SLCO6A1: variants seen among roughly 807,000 people sequenced by gnomAD.
The protein encoded by SLCO6A1 is cancer/testis antigen 48.
In SLCO6A1, 65 loss-of-function variants were observed where a neutral mutation model predicts 72.7. The ratio of observed to expected loss-of-function variants is 0.89; its 90% CI spans 0.73 to 1.10. The LOEUF (loss-of-function observed/expected upper bound fraction) is 1.10. Among genes scored for constraint, SLCO6A1 ranks in the 50% least tolerant of loss-of-function variants. SLCO6A1 has a pLI of 0.00. For missense variants in SLCO6A1, 874 were observed against 872.6 expected (o/e 1.00, Z -0.02); for synonymous variants, 314 against 298.2 (o/e 1.05, Z -0.55).
chr5:102,417,714 T>C (rs1748363526), intron 8 of SLCO6A1, among the ~76,000 whole-genome samples: 1 of 152,214 alleles, frequency 6.6e-6, no homozygotes, highest in Admixed American at 6.6e-5. Flanking sequence ...TTATGTAGAT[T>C]CATATTTACA....
intron 1 of SLCO6A1, 37 bp from the exon 2 acceptor site, chr5:102,480,471 G>T (rs765573134): frequency 2.5e-6 from 4 of 1,570,280 alleles, no homozygotes. Context: ...ACAACGATAT[G>T]CATTTTAAGA....
chr5:102,426,673 A>C (rs1580404619), intron 7 of SLCO6A1, among the ~76,000 whole-genome samples: 1 of 152,334 alleles, frequency 6.6e-6, no homozygotes, highest in South Asian at 2.1e-4. Flanking sequence ...TGTTGGTGGG[A>C]GTGTAAATTA....
chr5:102,393,996 T>A (rs749859370), intron 10 of SLCO6A1, among the ~76,000 whole-genome samples: 1 of 152,170 alleles, frequency 6.6e-6, no homozygotes, highest in Non-Finnish European at 1.5e-5. Flanking sequence ...CGTTTGCTTG[T>A]CTTCCAGTTG....
chr5:102,491,964 C>T (rs58903686), intron 1 of SLCO6A1, among the ~76,000 whole-genome samples: 2,449 of 152,340 alleles, frequency 0.016, 61 homozygotes, highest in African/African-American at 0.055. Context: ...AGGGAGGCCT[C>T]AGGAAGCTTA....
In SLCO6A1 at chr5:102,430,176, C is replaced by T. The variant is rs371371325; in HGVS notation, c.1276+8441G>A. On this transcript the variant is annotated intron_variant, in intron 7 of 13. Coordinates refer to ENST00000506729, the MANE Select transcript of SLCO6A1 (RefSeq NM_173488.5). ...TTGTATCCAGAAACTTTGCTGATGGCTGTTTCTCAGCTTAAGGAGCTTTTG... is the reference window on the plus strand; with the variant it reads ...TTGTATCCAGAAACTTTGCTGATGGTTGTTTCTCAGCTTAAGGAGCTTTTG... Among the ~76,000 whole-genome samples the T allele has an allele frequency of 5.3e-5, 8 of 152,090 alleles. No individual in the cohort carries two copies. The East Asian group carries it at 7.7e-4, about 15-fold the overall frequency.
At chr5:102,425,871 C>T (rs1748864301) in intron 7 of SLCO6A1, among the ~76,000 whole-genome samples, 1 of 152,104 alleles carries the variant, frequency 6.6e-6, no homozygotes. Context: ...TCAAATTATA[C>T]TACAAGGCTA....
At chr5:102,464,778 T>G (rs1751226002) in intron 4 of SLCO6A1, among the ~76,000 whole-genome samples, 1 of 152,206 alleles carries the variant, frequency 6.6e-6, no homozygotes, top group African/African-American at 2.4e-5. Flanking sequence ...GATTTAAGTT[T>G]CCTGATGCTC....
intron 4 of SLCO6A1, among the ~76,000 whole-genome samples, chr5:102,463,885 T>C (rs562246651): frequency 3.8e-4 from 42 of 111,308 alleles, no homozygotes; most frequent in African/African-American, 1.1e-3. Flanking sequence ...AAACTCCGTC[T>C]CAAAAAAGAA....
intron 1 of SLCO6A1, among the ~76,000 whole-genome samples, chr5:102,481,930 T>C (rs1025553315): frequency 2.6e-5 from 4 of 152,104 alleles, no homozygotes; most frequent in Non-Finnish European, 5.9e-5. Context: ...TGAGGGGAAA[T>C]ATATTGCCAA....
intron 6 of SLCO6A1, among the ~76,000 whole-genome samples, chr5:102,450,810 C>T (rs529422733): frequency 6.6e-6 from 1 of 152,306 alleles, no homozygotes; most frequent in East Asian, 1.9e-4. Context: ...TAGTAGTGAG[C>T]AGGGGGCTCA....
At chr5:102,397,676 G>C (rs771402763) in intron 10 of SLCO6A1, among the ~76,000 whole-genome samples, 1 of 152,082 alleles carries the variant, frequency 6.6e-6, no homozygotes, top group Non-Finnish European at 1.5e-5. Flanking sequence ...CTCTCCTTCT[G>C]AGCAGAAATA....
intron 7 of SLCO6A1, among the ~76,000 whole-genome samples, chr5:102,427,744 T>C (rs926211874): frequency 1.3e-5 from 2 of 151,204 alleles, no homozygotes; most frequent in African/African-American, 2.4e-5. Flanking sequence ...TTTTGGTTCA[T>C]TAATTATGAC....
At chr5:102,444,882 T>C (rs1037268320) in intron 6 of SLCO6A1, among the ~76,000 whole-genome samples, 9 of 152,314 alleles carry the variant, frequency 5.9e-5, no homozygotes, top group African/African-American at 2.2e-4. Flanking sequence ...GCTACTTCCA[T>C]GTTCCAGTGA....
chr5:102,373,522 T>G, intron 12 of SLCO6A1, 28 bp from the exon 13 acceptor site: 1 of 1,385,626 alleles, frequency 7.2e-7, no homozygotes, highest in Non-Finnish European at 9.4e-7. Context: ...AATGATCAGA[T>G]ATGTCCATGT....
chr5:102,396,829 C>G (rs1448191213), intron 10 of SLCO6A1, among the ~76,000 whole-genome samples: 1 of 152,162 alleles, frequency 6.6e-6, no homozygotes, highest in Non-Finnish European at 1.5e-5. Flanking sequence ...GGTGGGTACT[C>G]TGCAGGGTCC....
At chr5:102,459,899 T>A in intron 4 of SLCO6A1, 122 bp from the exon 5 acceptor site, 1 of 765,624 alleles carries the variant, frequency 1.3e-6, no homozygotes, top group Non-Finnish European at 1.9e-6. Flanking sequence ...GAGACAGAAA[T>A]GGAACTTTTT....
At chr5:102,462,051 C>T (rs1214106745) in intron 4 of SLCO6A1, among the ~76,000 whole-genome samples, 2 of 152,116 alleles carry the variant, frequency 1.3e-5, no homozygotes, top group African/African-American at 2.4e-5. Context: ...TATCAATGTA[C>T]ACAAATCAGT....
At chr5:102,441,673 A>T (rs1047965337) in intron 6 of SLCO6A1, among the ~76,000 whole-genome samples, 28 of 152,204 alleles carry the variant, frequency 1.8e-4, no homozygotes, top group Admixed American at 9.2e-4. Context: ...GTCATTTCAA[A>T]CATTAACATG....
chr5:102,426,235 A>T (rs1203437988), intron 7 of SLCO6A1, among the ~76,000 whole-genome samples: 1 of 152,212 alleles, frequency 6.6e-6, no homozygotes, highest in African/African-American at 2.4e-5. Flanking sequence ...TAAAACACTA[A>T]AAGCAAAGGC....
Sources: allele counts gnomAD v4.1 joint callset (sites outside exome capture counted in the v4.1 genomes callset), GRCh38; gene constraint gnomAD v4.1.1; transcripts MANE v1.5; gene names NCBI Gene and HGNC (gene_info 2026-07-23, HGNC 2026-07-21).